Variants in CLEC3A observed in about 807,000 individuals in gnomAD.
CLEC3A encodes the protein C-type (calcium dependent, carbohydrate-recognition domain) lectin, superfamily member 1 (cartilage-derived).
CLEC3A carries 28 observed loss-of-function variants against 20.4 expected under a neutral mutation model. That is an observed-to-expected ratio of 1.37 (90% CI 1.02 to 1.88). CLEC3A has a LOEUF of 1.88. CLEC3A is among the 40% of genes most tolerant of loss of function. The pLI, the probability that CLEC3A is intolerant of heterozygous loss-of-function variation, is 0.00. For missense variants in CLEC3A, 357 were observed against 240.4 expected (o/e 1.48, Z -3.21); for synonymous variants, 110 against 88.1 (o/e 1.25, Z -1.39).
In CLEC3A at chr16:78,022,748, G is replaced by T. The variant is rs772045977; in HGVS notation, c.115+7G>T. 1.9e-6 allele frequency: 3 copies of T among 1,613,368 alleles called. No individual in the cohort carries two copies. In the East Asian group the frequency reaches 6.7e-5, roughly 36 times the overall value. ...AGCAAACGTCGAGTGAGAGGTAATG[G>T]GGCTTCTCAATCAAGCAAAATTCTA... is the stretch of plus-strand genomic sequence containing the variant. On this transcript the variant is annotated splice_region_variant and intron_variant, in intron 1 of 2. Coordinates refer to ENST00000299642, the MANE Select transcript of CLEC3A (RefSeq NM_005752.6).
intron 1 of CLEC3A, among the ~76,000 whole-genome samples, chr16:78,024,914 C>G (rs2018793774): frequency 6.6e-6 from 1 of 151,662 alleles, no homozygotes; most frequent in South Asian, 2.1e-4. Flanking sequence ...GCAACCTCTA[C>G]CCACCAGGTT....
At chr16:78,028,237 A>C in intron 2 of CLEC3A, 47 bp downstream of exon 2, 1 of 1,395,594 alleles carries the variant, frequency 7.2e-7, no homozygotes, top group Non-Finnish European at 9.7e-7. Context: ...GAGACAGGAA[A>C]ATTTCTGGGT....
chr16:78,028,174 T>C lies in CLEC3A; in HGVS notation c.183T>C (p.Ile61=), dbSNP rs1391950682. The C allele has an allele frequency of 3.7e-6, 6 of 1,609,568 alleles. No homozygotes were observed. Among genetic ancestry groups the C allele is most frequent in the Non-Finnish European group, 5.1e-6 (6 of 1,178,906 alleles). Residue 61 remains isoleucine, a synonymous_variant, in exon 2 of 3, where the codon ATT becomes ATC. Transcript: ENST00000299642. ...CAGAAGTCAATGCCTTGAAGGAAAT[T>C]CAAGCCCTGCAGACAGGTAAGGTGC... The part of the protein sequence containing the change: ...LWTEVNALKE[I]QALQTVCLRG...
At chr16:78,028,212 T>C (rs373123396) in intron 2 of CLEC3A, 22 bp downstream of exon 2, 2 of 1,533,446 alleles carry the variant, frequency 1.3e-6, no homozygotes, top group African/African-American at 1.4e-5. Flanking sequence ...ACCTTCTCAG[T>C]GCCTTGTCCC....
At chr16:78,026,993 G>C (rs898160169) in intron 1 of CLEC3A, among the ~76,000 whole-genome samples, 2 of 152,186 alleles carry the variant, frequency 1.3e-5, no homozygotes, top group Non-Finnish European at 2.9e-5. Context: ...GTCAGAGTAT[G>C]AATTCTGCCA....
intron 2 of CLEC3A, among the ~76,000 whole-genome samples, chr16:78,028,419 T>C (rs530039721): frequency 1.3e-5 from 2 of 152,192 alleles, no homozygotes; most frequent in Non-Finnish European, 2.9e-5. Flanking sequence ...AGGAATAAAT[T>C]TGAAAAGTCA....
rs1335490761 is a variant in CLEC3A at position 78,028,504 on chromosome 16, T to C, written c.199+314T>C. Among the ~76,000 whole-genome samples the C allele has an allele frequency of 4.6e-5, 7 of 152,376 alleles. 1 individual carries two copies. Among genetic ancestry groups the C allele is most frequent in the African/African-American group, 1.4e-4 (6 of 41,596 alleles). ...AAATGACTAAAATGATTAGCATTTA[T>C]TGGATGATAGCTAAGTGCCTATCAG... On this transcript the variant is annotated intron_variant, in intron 2 of 2. Coordinates refer to ENST00000299642, the MANE Select transcript of CLEC3A (RefSeq NM_005752.6).
intron 1 of CLEC3A, among the ~76,000 whole-genome samples, chr16:78,027,362 C>A (rs753690803): frequency 1.3e-4 from 20 of 152,066 alleles, no homozygotes; most frequent in African/African-American, 4.1e-4. Flanking sequence ...ACCAGGAAAG[C>A]CTTCTCAGAA....
At position 78,030,657 on chromosome 16, in the gene CLEC3A, C is replaced by CAT; in HGVS notation, c.410_411insAT (p.Glu138TrpfsTer75). On this transcript the variant is annotated frameshift_variant, in exon 3 of 3. Coordinates refer to ENST00000299642, the MANE Select transcript of CLEC3A (RefSeq NM_005752.6). LOFTEE classifies it high-confidence loss of function. ...TGGCTGGGCATCAATGACATGGTCA[C>CAT]GGAAGGCAAGTTTGTTGACGTCAAC... 1 of 1,614,100 alleles carries CAT rather than the reference C, an allele frequency of 6.2e-7. No individual in the cohort carries two copies. Among genetic ancestry groups the CAT allele is most frequent in the South Asian group, 1.1e-5 (1 of 91,066 alleles).
rs748814534 is a variant in CLEC3A, at chr16:78,031,150, A to T, written c.*309A>T. The stretch of plus-strand genomic sequence containing the variant: ...AAACCCAGTTTGTTTTCAAAAAATC[A>T]CAGTAGCAATGCAACTCATCACTCT... On this transcript the variant is annotated 3_prime_UTR_variant, in exon 3 of 3. Coordinates refer to ENST00000299642, the MANE Select transcript of CLEC3A (RefSeq NM_005752.6). The T allele has an allele frequency of 9.1e-5, 22 of 241,004 alleles. No individual in the cohort carries two copies. Among genetic ancestry groups the T allele is most frequent in the Non-Finnish European group, 1.4e-4 (18 of 126,148 alleles). 14.9% of individuals were successfully genotyped at this position (241,004 alleles called of 1,614,324 possible).
In CLEC3A at chr16:78,030,833, C is replaced by G; in HGVS notation, c.586C>G (p.Pro196Ala). ...SKRYICEFTI[P>A]Q ...GAGATACATATGCGAGTTCACCATC[C>G]CTCAATAGGTCTTTCTCCAATGTGT... Residue 196 changes from proline (P) to alanine (A), a missense_variant, in exon 3 of 3, where the codon CCT becomes GCT. Transcript: ENST00000299642. 6.2e-7 allele frequency: 1 copy of G among 1,610,446 alleles called. No individual in the cohort carries two copies. The highest frequency in any genetic ancestry group is 8.5e-7 in the Non-Finnish European group (1 of 1,178,006).
Position 78,030,792 on chromosome 16 carries a change from C to A in CLEC3A, c.545C>A (p.Ala182Asp), listed in dbSNP as rs773625539. The A allele has an allele frequency of 6.2e-7, 1 of 1,613,900 alleles. No homozygotes were observed. The highest frequency in any genetic ancestry group is 1.7e-5 in the Admixed American group (1 of 59,978). The change falls in exon 3 of 3, where the codon GCC becomes GAC. Residue 182 changes from alanine (A) to aspartate (D), a missense_variant. By Grantham distance (126) the Ala-to-Asp change is moderately radical. Coordinates refer to ENST00000299642, the MANE Select transcript of CLEC3A (RefSeq NM_005752.6). ...QSAQGKWSDE[A>D]CRSSKRYICE... ...GCTCAGGGCAAGTGGAGTGATGAGGCCTGTCGCAGCAGCAAGAGATACATA... is the reference window on the plus strand; with the variant it reads ...GCTCAGGGCAAGTGGAGTGATGAGGACTGTCGCAGCAGCAAGAGATACATA...
At position 78,030,655 on chromosome 16, in the gene CLEC3A, C is replaced by T. The variant is rs548822314; in HGVS notation, c.408C>T (p.Val136=). The stretch of plus-strand genomic sequence containing the variant: ...TTTGGCTGGGCATCAATGACATGGT[C>T]ACGGAAGGCAAGTTTGTTGACGTCA... ...NDFWLGINDM[V]TEGKFVDVNG... is the part of the protein sequence containing the mutation. The change falls in exon 3 of 3, where the codon GTC becomes GTT. Residue 136 remains valine, a synonymous_variant. Transcript: ENST00000299642. 1 of 1,614,100 alleles carries T rather than the reference C, an allele frequency of 6.2e-7. No homozygotes were observed. Among genetic ancestry groups the T allele is most frequent in the South Asian group, 1.1e-5 (1 of 91,058 alleles).
intron 1 of CLEC3A, among the ~76,000 whole-genome samples, chr16:78,027,252 A>G (rs539446519): frequency 7.5e-4 from 115 of 152,366 alleles, no homozygotes; most frequent in African/African-American, 2.7e-3. Context: ...AGAATACTCT[A>G]TAAAATATGG....
At position 78,030,513 on chromosome 16, in the gene CLEC3A, A is replaced by C. The variant is rs1474454663; in HGVS notation, c.266A>C (p.His89Pro). Residue 89 changes from histidine (H) to proline (P), a missense_variant, in exon 3 of 3, where the codon CAT (histidine) becomes CCT (proline). Physicochemically the swap from His to Pro is moderately conservative, Grantham distance 77. Transcript: ENST00000299642. ...GCTTCAGAAGGTTTGAAGCATTTCCATGAGGCCAATGAAGACTGCATTTCC... is the reference window on the plus strand; with the variant it reads ...GCTTCAGAAGGTTTGAAGCATTTCCCTGAGGCCAATGAAGACTGCATTTCC... The part of the protein sequence containing the change: ...YLASEGLKHF[H>P]EANEDCISKG... 1 of 1,614,060 alleles carries C rather than the reference A, an allele frequency of 6.2e-7. No individual in the cohort carries two copies. The highest frequency in any genetic ancestry group is 8.5e-7 in the Non-Finnish European group (1 of 1,179,984).
chr16:78,030,295 T>A (rs1024019486), intron 2 of CLEC3A, 152 bp from the exon 3 acceptor site: 1 of 688,106 alleles, frequency 1.5e-6, no homozygotes, highest in Non-Finnish European at 2.4e-6. Context: ...GTAAAATGCT[T>A]AGCATGTTGT....
At position 78,030,535 on chromosome 16, in the gene CLEC3A, T is replaced by A; in HGVS notation, c.288T>A (p.Ile96=). 1 of 1,614,114 alleles carries A rather than the reference T, an allele frequency of 6.2e-7. No homozygotes were observed. Among genetic ancestry groups the A allele is most frequent in the Non-Finnish European group, 8.5e-7 (1 of 1,180,012 alleles). ...TCCATGAGGCCAATGAAGACTGCAT[T>A]TCCAAAGGAGGAATCCTGGTTATCC... The part of the protein sequence containing the change: ...KHFHEANEDC[I]SKGGILVIPR... Residue 96 remains isoleucine (I), a synonymous_variant, in exon 3 of 3, where the codon ATT becomes ATA. Coordinates refer to ENST00000299642, the MANE Select transcript of CLEC3A (RefSeq NM_005752.6).
rs757869038 is a variant in CLEC3A, at chr16:78,030,820, C to G, written c.573C>G (p.Cys191Trp). Residue 191 changes from cysteine (C) to tryptophan (W), a missense_variant, in exon 3 of 3, where the codon TGC becomes TGG. Transcript: ENST00000299642. ...GTCGCAGCAGCAAGAGATACATATG[C>G]GAGTTCACCATCCCTCAATAGGTCT... ...EACRSSKRYI[C>W]EFTIPQ The G allele has an allele frequency of 1.9e-6, 3 of 1,612,714 alleles. No individual in the cohort carries two copies. The African/African-American group carries it at 4.0e-5, about 22-fold the overall frequency.
rs571434306 is a variant in CLEC3A at position 78,028,098 on chromosome 16, T to C, written c.116-9T>C. On this transcript the variant is annotated splice_polypyrimidine_tract_variant and intron_variant, in intron 1 of 2. Coordinates refer to ENST00000299642, the MANE Select transcript of CLEC3A (RefSeq NM_005752.6). ...CACCTACCCCATCCCACCCTAAAAT[T>C]TTCCCCAGACAAGGATGGAGATCTG... The C allele has an allele frequency of 6.2e-7, 1 of 1,603,754 alleles. No homozygotes were observed. Among genetic ancestry groups the C allele is most frequent in the Admixed American group, 1.7e-5 (1 of 57,370 alleles).
Sources: gnomAD v4.1 joint callset for allele counts (sites outside exome capture counted in the v4.1 genomes callset) on GRCh38, gnomAD v4.1.1 for gene constraint, MANE v1.5 for transcripts, NCBI Gene and HGNC (gene_info 2026-07-23, HGNC 2026-07-21) for gene names.